Variants in ITSN2 observed in about 807,000 individuals in gnomAD.
ITSN2 encodes the protein intersectin 2, also known as intersectin-2.
A neutral mutation model predicts 243.7 loss-of-function variants in ITSN2; 156 were observed. That is an observed-to-expected ratio of 0.64 (90% CI 0.56 to 0.73). The LOEUF (loss-of-function observed/expected upper bound fraction) is 0.73. Among genes scored for constraint, ITSN2 ranks in the 30% least tolerant of loss-of-function variants. The pLI is 0.00. For synonymous variants in ITSN2, 703 were observed against 699.9 expected (o/e 1.00, Z -0.07); for missense variants, 1,801 against 1,996.1 (o/e 0.90, Z 1.86).
At chr2:24,329,284 G>A (rs531107646) in intron 1 of ITSN2, among the ~76,000 whole-genome samples, 4 of 151,800 alleles carry the variant, frequency 2.6e-5, no homozygotes, top group African/African-American at 7.3e-5. Context: ...TTCTTGAGAC[G>A]GAGTCTCGCT....
intron 29 of ITSN2, among the ~76,000 whole-genome samples, chr2:24,235,599 C>G (rs959651965): frequency 1.3e-5 from 2 of 152,138 alleles, no homozygotes; most frequent in African/African-American, 2.4e-5. Flanking sequence ...TGGGATATCT[C>G]TGTGTCTTCC....
chr2:24,329,921 A>G (rs1386219147), intron 1 of ITSN2, among the ~76,000 whole-genome samples: 1 of 152,214 alleles, frequency 6.6e-6, no homozygotes, highest in Non-Finnish European at 1.5e-5. Flanking sequence ...CTGCAAACAA[A>G]TATAACATTT....
At chr2:24,343,341 C>A (rs1014394467) in intron 1 of ITSN2, among the ~76,000 whole-genome samples, 1 of 152,008 alleles carries the variant, frequency 6.6e-6, no homozygotes, top group African/African-American at 2.4e-5. Context: ...CTAGCAAATA[C>A]CACTTTTACA....
chr2:24,283,175 A>G (rs2151536887), intron 17 of ITSN2, among the ~76,000 whole-genome samples: 1 of 152,254 alleles, frequency 6.6e-6, no homozygotes, highest in African/African-American at 2.4e-5. Flanking sequence ...TGGCACTTTT[A>G]GCAAGGTCTT....
At chr2:24,291,252 TC>T (rs1456363328) in intron 15 of ITSN2, among the ~76,000 whole-genome samples, 1 of 151,376 alleles carries the variant, frequency 6.6e-6, no homozygotes, top group Non-Finnish European at 1.5e-5. Flanking sequence ...GCTTCAACCT[TC>T]CGAGTAGCTG....
chr2:24,344,908 C>T (rs770855591), intron 1 of ITSN2, among the ~76,000 whole-genome samples: 1 of 151,990 alleles, frequency 6.6e-6, no homozygotes, highest in South Asian at 2.1e-4. Context: ...GCCCAGATTG[C>T]GCCAGTGCAT....
intron 8 of ITSN2, among the ~76,000 whole-genome samples, chr2:24,306,888 C>T (rs996330800): frequency 3.9e-5 from 6 of 152,056 alleles, no homozygotes; most frequent in Admixed American, 2.6e-4. Flanking sequence ...TCACTGCAAC[C>T]TCCGCCTCCT....
At chr2:24,328,795 G>T (rs1449544271) in intron 1 of ITSN2, among the ~76,000 whole-genome samples, 6 of 152,070 alleles carry the variant, frequency 3.9e-5, no homozygotes, top group Non-Finnish European at 7.4e-5. Flanking sequence ...TCCCAAACAA[G>T]AAAAATATTC....
At position 24,235,899 on chromosome 2, in the gene ITSN2, AC is replaced by A. The variant is rs532730857; in HGVS notation, c.3577+10229del. On this transcript the variant is annotated intron_variant, in intron 29 of 39. Transcript: ENST00000355123. ...GATGTGGAGTAACAGAAAGCCCTGT[AC>A]ACTGCTGGCGGAAATAGAAAATGGT... 1.9e-3 allele frequency among the ~76,000 whole-genome samples: 289 copies of A among 152,324 alleles called. 1 individual carries two copies. Among genetic ancestry groups the A allele is most frequent in the African/African-American group, 6.7e-3 (277 of 41,574 alleles).
chr2:24,302,146 G>C, intron 9 of ITSN2, 44 bp from the exon 10 acceptor site: 1 of 1,405,732 alleles, frequency 7.1e-7, no homozygotes, highest in Non-Finnish European at 9.6e-7. Context: ...AGTCTATTTG[G>C]AGTAAAATAT....
chr2:24,310,293 C>T lies in ITSN2; in HGVS notation c.644G>A (p.Gly215Glu), dbSNP rs1363477510. 1.2e-6 allele frequency: 2 copies of T among 1,610,416 alleles called. No individual in the cohort carries two copies. Among genetic ancestry groups the T allele is most frequent in the Non-Finnish European group, 8.5e-7 (1 of 1,177,390 alleles). The change falls in exon 7 of 40, where the codon GGA (glycine) becomes GAA (glutamate). Residue 215 changes from glycine (G) to glutamate (E), a missense_variant. By Grantham distance (98) the Gly-to-Glu change is moderately conservative. This residue lies in a region of ITSN2 where 787 missense variants were observed against 803.9 expected (regional missense o/e 0.98). Coordinates refer to ENST00000355123, the MANE Select transcript of ITSN2 (RefSeq NM_006277.3). ...IQKAQSLIDL[G>E]SSSSTSSTAS... is the part of the protein sequence containing the mutation. ...AGTTAGCTATTCATACCTACTAGAT[C>T]CTAAATCAATCAGAGACTGCGCTTT...
Position 24,246,204 on chromosome 2 carries a change from C to G in ITSN2, c.3502G>C (p.Glu1168Gln). The change falls in exon 29 of 40, where the codon GAG (glutamate) becomes CAG (glutamine). Residue 1168 changes from glutamate (E) to glutamine (Q), a missense_variant. Physicochemically the swap from Glu to Gln is conservative, Grantham distance 29. Coordinates refer to ENST00000355123, the MANE Select transcript of ITSN2 (RefSeq NM_006277.3). ...NKDDPDWWQG[E>Q]INGVTGLFPS... is the part of the protein sequence containing the mutation. ...AAGAGACCAGTCACCCCGTTGATCT[C>G]TCCTTGCCACCAATCAGGATCATCT... 1 of 1,613,690 alleles carries G rather than the reference C, an allele frequency of 6.2e-7. No individual in the cohort carries two copies. The highest frequency in any genetic ancestry group is 8.5e-7 in the Non-Finnish European group (1 of 1,179,672).
intron 29 of ITSN2, among the ~76,000 whole-genome samples, chr2:24,229,788 C>T (rs1219423178): frequency 6.6e-6 from 1 of 152,194 alleles, no homozygotes; most frequent in Admixed American, 6.5e-5. Context: ...TCGCTAACAT[C>T]TGTGATTGCT....
Position 24,310,638 on chromosome 2 carries a change from G to T in ITSN2, c.407C>A (p.Pro136His), listed in dbSNP as rs368920828. The change falls in exon 6 of 40, where the codon CCT (proline) becomes CAT (histidine). Residue 136 changes from proline (P) to histidine (H), a missense_variant. By Grantham distance (77) the Pro-to-His change is moderately conservative (BLOSUM62 -2). Transcript: ENST00000355123. Reference sequence around the variant, plus strand: ...AGTCGCAGAAGACAATGATGTTATAGGTGCAGCTGGAGGCAATGGCTGAGG... The same window carrying T: ...AGTCGCAGAAGACAATGATGTTATATGTGCAGCTGGAGGCAATGGCTGAGG... ...SIPQPLPPAA[P>H]ITSLSSATSG... The T allele has an allele frequency of 1.2e-6, 2 of 1,614,020 alleles. No homozygotes were observed. The highest frequency in any genetic ancestry group is 1.7e-6 in the Non-Finnish European group (2 of 1,180,034).
intron 2 of ITSN2, among the ~76,000 whole-genome samples, chr2:24,323,143 A>G (rs1684776429): frequency 6.6e-6 from 1 of 152,136 alleles, no homozygotes; most frequent in African/African-American, 2.4e-5. Flanking sequence ...TTTGGAAAAC[A>G]GTTTGGGAAT....
At chr2:24,210,360 CA>C in intron 34 of ITSN2, 1 of 337,356 alleles carries the variant, frequency 3.0e-6, no homozygotes, top group Non-Finnish European at 5.5e-6. Context: ...CCTGCAATCC[CA>C]GCACTGTTGG....
rs538085090 is a variant in ITSN2, at chr2:24,307,393, G to A, written c.793+1224C>T. 5.2e-4 allele frequency among the ~76,000 whole-genome samples: 78 copies of A among 151,110 alleles called. 3 individuals carry two copies. The South Asian group carries it at 0.016, about 31-fold the overall frequency. On this transcript the variant is annotated intron_variant, in intron 8 of 39. Coordinates refer to ENST00000355123, the MANE Select transcript of ITSN2 (RefSeq NM_006277.3). The stretch of plus-strand genomic sequence containing the variant: ...GTCAAAAAAGCATACCTTGTTTCAT[G>A]CAATTTGATAAAATTACAGAAAATC...
chr2:24,273,311 A>C (rs566826396), intron 18 of ITSN2, among the ~76,000 whole-genome samples: 74 of 152,196 alleles, frequency 4.9e-4, no homozygotes, highest in Non-Finnish European at 8.4e-4. Context: ...CAACTTTCAA[A>C]ACGGACTTCT....
chr2:24,353,220 C>T (rs1318365399), intron 1 of ITSN2, among the ~76,000 whole-genome samples: 1 of 151,994 alleles, frequency 6.6e-6, no homozygotes, highest in Non-Finnish European at 1.5e-5. Context: ...ATAACGAAAA[C>T]ACTAAGACCT....
Sources: gnomAD v4.1 joint callset for allele counts (sites outside exome capture counted in the v4.1 genomes callset) on GRCh38, gnomAD v4.1.1 for gene constraint, gnomAD v4.1.1 regional missense constraint, MANE v1.5 for transcripts, NCBI Gene and HGNC (gene_info 2026-07-23, HGNC 2026-07-21) for gene names.